STIM2: variants seen among roughly 807,000 people sequenced by gnomAD.
STIM2 encodes the protein stromal interaction molecule 2.
STIM2 carries 31 observed loss-of-function variants against 85.8 expected under a neutral mutation model. The observed-to-expected ratio is 0.36, with a 90% confidence interval of 0.27 to 0.49. The LOEUF (loss-of-function observed/expected upper bound fraction) is 0.49. Ranked by LOEUF, STIM2 falls within the 20% of genes least tolerant of loss-of-function variation. STIM2 has a pLI of 0.98. For synonymous variants in STIM2, 356 were observed against 331.1 expected (o/e 1.08, Z -0.82); for missense variants, 841 against 927.6 (o/e 0.91, Z 1.21).
intron 10 of STIM2, among the ~76,000 whole-genome samples, chr4:27,011,387 T>G (rs945763944): frequency 6.6e-6 from 1 of 152,202 alleles, no homozygotes; most frequent in South Asian, 2.1e-4. Flanking sequence ...AGTTTATCCG[T>G]TTTTCTACTT....
intron 1 of STIM2, among the ~76,000 whole-genome samples, chr4:26,885,274 A>G (rs1041962329): frequency 2.0e-5 from 3 of 152,188 alleles, no homozygotes; most frequent in African/African-American, 7.2e-5. Flanking sequence ...GCTCATTTCA[A>G]CCATTTTTAA....
At chr4:27,021,569 T>C (rs1190408615) in intron 11 of STIM2, 1 of 456,746 alleles carries the variant, frequency 2.2e-6, no homozygotes, top group Non-Finnish European at 4.4e-6. Context: ...ACAAGGACTT[T>C]GGATCTTACT....
At chr4:26,994,590 C>T (rs577895196) in intron 3 of STIM2, among the ~76,000 whole-genome samples, 1 of 152,014 alleles carries the variant, frequency 6.6e-6, no homozygotes, top group Non-Finnish European at 1.5e-5. Context: ...CATTGAAGAA[C>T]AACATTCTAA....
intron 1 of STIM2, among the ~76,000 whole-genome samples, chr4:26,906,449 T>G (rs928484412): frequency 2.6e-5 from 4 of 151,400 alleles, no homozygotes; most frequent in African/African-American, 7.3e-5. Context: ...TGTTTTTTTT[T>G]TTTTTTTTTG....
chr4:26,868,327 C>T (rs1302113696), intron 1 of STIM2, among the ~76,000 whole-genome samples: 2 of 152,070 alleles, frequency 1.3e-5, no homozygotes, highest in African/African-American at 4.8e-5. Flanking sequence ...TGGATCTTGA[C>T]CTCTGTGTAA....
At chr4:26,867,552 A>G (rs767278680) in intron 1 of STIM2, among the ~76,000 whole-genome samples, 15 of 152,356 alleles carry the variant, frequency 9.8e-5, no homozygotes, top group Non-Finnish European at 1.9e-4. Context: ...AACTAAAGTT[A>G]TAAGTCAAGA....
At chr4:26,942,316 C>T (rs1577452613) in intron 2 of STIM2, among the ~76,000 whole-genome samples, 1 of 152,154 alleles carries the variant, frequency 6.6e-6, no homozygotes, top group Non-Finnish European at 1.5e-5. Context: ...TTTCTCTCCT[C>T]AGCAACCATA....
chr4:27,010,478 T>C (rs1728521381), intron 10 of STIM2, among the ~76,000 whole-genome samples: 1 of 152,062 alleles, frequency 6.6e-6, no homozygotes, highest in African/African-American at 2.4e-5. Flanking sequence ...GTGATCAGAT[T>C]TATTATCTCT....
At chr4:27,008,735 G>A (rs1560238715) in intron 9 of STIM2, 29 bp from the exon 10 acceptor site, 7 of 1,604,536 alleles carry the variant, frequency 4.4e-6, no homozygotes, top group Non-Finnish European at 6.0e-6. Context: ...TTTTGATGCA[G>A]TAAGTAATTT....
intron 1 of STIM2, among the ~76,000 whole-genome samples, chr4:26,887,183 C>CTTTTTTTTTTT (rs34736602): frequency 1.4e-5 from 1 of 70,942 alleles, no homozygotes; most frequent in African/African-American, 5.7e-5. Context: ...AATAATTAAA[C>CTTTTTTTTTTT]TTTTTTTTTT....
At chr4:26,961,469 A>C (rs1726467033) in intron 3 of STIM2, among the ~76,000 whole-genome samples, 1 of 152,216 alleles carries the variant, frequency 6.6e-6, no homozygotes, top group Admixed American at 6.5e-5. Flanking sequence ...GCAGCAAAAT[A>C]GACTGTATCT....
chr4:27,011,516 G>A (rs561406123), intron 10 of STIM2, among the ~76,000 whole-genome samples: 1 of 152,212 alleles, frequency 6.6e-6, no homozygotes, highest in Admixed American at 6.5e-5. Context: ...GGGTCATTGG[G>A]AAGGCACCTT....
chr4:26,984,096 G>A (rs1175919602), intron 3 of STIM2, among the ~76,000 whole-genome samples: 1 of 152,150 alleles, frequency 6.6e-6, no homozygotes, highest in East Asian at 1.9e-4. Flanking sequence ...TTGAAAGTTT[G>A]TTGTTTTATC....
chr4:26,951,055 C>T (rs772876729), intron 2 of STIM2, among the ~76,000 whole-genome samples: 12 of 151,870 alleles, frequency 7.9e-5, no homozygotes, highest in South Asian at 2.1e-4. Context: ...TAAGGGTAAA[C>T]GGATATACCT....
chr4:26,868,262 C>T (rs1722477157), intron 1 of STIM2, among the ~76,000 whole-genome samples: 1 of 152,212 alleles, frequency 6.6e-6, no homozygotes, highest in South Asian at 2.1e-4. Flanking sequence ...GCCCAAGTAC[C>T]TGTATCTGTC....
At chr4:26,992,175 T>C (rs2109122734) in intron 3 of STIM2, among the ~76,000 whole-genome samples, 1 of 152,272 alleles carries the variant, frequency 6.6e-6, no homozygotes, top group Non-Finnish European at 1.5e-5. Flanking sequence ...TTCTTATACA[T>C]ACAAATCCTT....
intron 1 of STIM2, among the ~76,000 whole-genome samples, chr4:26,903,175 T>C (rs1206983253): frequency 2.0e-5 from 3 of 152,172 alleles, no homozygotes; most frequent in African/African-American, 7.2e-5. Flanking sequence ...TTTAGACTTT[T>C]ATTGCTTGGG....
At chr4:27,017,669 C>G (rs376255069) in intron 10 of STIM2, 42 bp from the exon 11 acceptor site, 2 of 1,607,966 alleles carry the variant, frequency 1.2e-6, no homozygotes, top group African/African-American at 2.7e-5. Context: ...GTAAAGGGAA[C>G]CCTGGACTTC....
At chr4:26,904,617 G>C (rs1195374417) in intron 1 of STIM2, among the ~76,000 whole-genome samples, 1 of 152,194 alleles carries the variant, frequency 6.6e-6, no homozygotes, top group African/African-American at 2.4e-5. Flanking sequence ...GGAGTGGTGA[G>C]AGCAGAGGCC....
Sources: gnomAD v4.1 joint callset for allele counts (sites outside exome capture counted in the v4.1 genomes callset) on GRCh38, gnomAD v4.1.1 for gene constraint, MANE v1.5 for transcripts, NCBI Gene and HGNC (gene_info 2026-07-23, HGNC 2026-07-21) for gene names.